The following TECTA variants were observed in gnomAD, a reference collection of about 807,000 sequenced individuals.
TECTA encodes tectorin alpha, also known as alpha-tectorin.
Under a neutral mutation model 216.8 loss-of-function variants are expected in TECTA, and 128 were observed. That is an observed-to-expected ratio of 0.59 (90% CI 0.51 to 0.68). The LOEUF (loss-of-function observed/expected upper bound fraction) is 0.68, where lower values mean the gene tolerates loss of function less well. TECTA is among the 30% of genes least tolerant of loss of function. TECTA has a pLI of 0.00. For synonymous variants in TECTA, 1,089 were observed against 1,117.1 expected (o/e 0.97, Z 0.50); for missense variants, 2,551 against 2,786.2 (o/e 0.92, Z 1.90).
chr11:121,165,581 A>C (rs1947044992), intron 17 of TECTA, among the ~76,000 whole-genome samples, 198 bp downstream of exon 17: 1 of 152,170 alleles, frequency 6.6e-6, no homozygotes, highest in Non-Finnish European at 1.5e-5. Flanking sequence ...ATAACACACA[A>C]ATTTGTACAT....
chr11:121,158,291 A>C lies in TECTA; in HGVS notation c.4689+67A>C, dbSNP rs1946965164. 1.9e-6 allele frequency: 3 copies of C among 1,595,258 alleles called. No individual in the cohort carries two copies. The Admixed American group carries it at 5.0e-5, about 27-fold the overall frequency. ...CAAGGGGTTGGCTAGGGGACTGTGT[A>C]GGGTTCTCCCAGATAGCCAAGTTGT... is the stretch of plus-strand genomic sequence containing the variant. On this transcript the variant is annotated intron_variant, in intron 14 of 23. Coordinates refer to ENST00000392793, the MANE Select transcript of TECTA (RefSeq NM_005422.4).
intron 20 of TECTA, among the ~76,000 whole-genome samples, chr11:121,175,187 T>A (rs9736721): frequency 0.67 from 99,904 of 148,236 alleles, 34,831 homozygotes; most frequent in African/African-American, 0.9. Context: ...TGTGTCTGTA[T>A]TTCCTTCAGT....
intron 20 of TECTA, among the ~76,000 whole-genome samples, chr11:121,170,549 T>A (rs1947101733): frequency 6.6e-6 from 1 of 152,158 alleles, no homozygotes; most frequent in African/African-American, 2.4e-5. Flanking sequence ...ACCAGTAGTG[T>A]AGAAGAGTTC....
Position 121,190,830 on chromosome 11 carries a change from G to C in TECTA, c.*24G>C. On this transcript the variant is annotated 3_prime_UTR_variant, in exon 24 of 24. Coordinates refer to ENST00000392793, the MANE Select transcript of TECTA (RefSeq NM_005422.4). ...AATTAACTCAAGGTTGCTATATAAA[G>C]TACTGTAATTTACTTACTTCAACAC... 1 of 1,562,502 alleles carries C rather than the reference G, an allele frequency of 6.4e-7. No individual in the cohort carries two copies. The highest frequency in any genetic ancestry group is 8.8e-7 in the Non-Finnish European group (1 of 1,137,088).
At chr11:121,162,831 C>T (rs1393023854) in intron 16 of TECTA, among the ~76,000 whole-genome samples, 1 of 152,116 alleles carries the variant, frequency 6.6e-6, no homozygotes, top group East Asian at 1.9e-4. Flanking sequence ...AGCTGCAGTT[C>T]GATTGACTGT....
rs781630383 is a variant in TECTA, at chr11:121,168,807, G to A, written c.5881G>A (p.Val1961Ile). The change falls in exon 20 of 24, where the codon GTA (valine) becomes ATA (isoleucine). Residue 1961 changes from valine (V) to isoleucine (I), a missense_variant. Around this residue, in one of 3 missense-constraint regions of TECTA, gnomAD observed 2,375 missense variants for 2,563.9 expected, o/e 0.93. Coordinates refer to ENST00000392793, the MANE Select transcript of TECTA (RefSeq NM_005422.4). ...VVLTTRDVLY[V>I]GVFVVGADAT... ...GTTGACGACTCGAGATGTGCTGTAT[G>A]TAGGGGTTTTTGTGGTTGGAGCTGA... 6.2e-7 allele frequency: 1 copy of A among 1,614,178 alleles called. No homozygotes were observed. Among genetic ancestry groups the A allele is most frequent in the South Asian group, 1.1e-5 (1 of 91,080 alleles).
intron 14 of TECTA, among the ~76,000 whole-genome samples, chr11:121,158,917 G>C (rs529382944): frequency 6.6e-6 from 1 of 152,074 alleles, no homozygotes; most frequent in African/African-American, 2.4e-5. Context: ...CATTTAAGAA[G>C]AGCATCTGCT....
At chr11:121,151,439 A>C (rs1375452673) in intron 12 of TECTA, among the ~76,000 whole-genome samples, 1 of 152,248 alleles carries the variant, frequency 6.6e-6, no homozygotes, top group Non-Finnish European at 1.5e-5. Flanking sequence ...AAATGGAATG[A>C]ATATTGTCAT....
In TECTA at chr11:121,181,641, TG is replaced by T. The variant is rs144310040; in HGVS notation, c.6000-6190del. ...TGTGCCACCATGCCCAGCTAATTTT[TG>T]TATTTTTAGTAGAGACAGGTTTCTC... On this transcript the variant is annotated intron_variant, in intron 20 of 23. Transcript: ENST00000392793. 5.5e-3 allele frequency among the ~76,000 whole-genome samples: 835 copies of T among 152,080 alleles called. 11 individuals carry two copies. The highest frequency in any genetic ancestry group is 0.019 in the African/African-American group (796 of 41,466).
Position 121,157,847 on chromosome 11 carries a change from C to G in TECTA, c.4312C>G (p.Gln1438Glu). Reference protein sequence around the residue: ...YSDGKYYEPKQLFWNSDCTRR... With the variant: ...YSDGKYYEPKELFWNSDCTRR... Reference sequence around the variant, plus strand: ...AACGGCGCCTCTCTTCCAGCCCAAGCAGCTATTTTGGAACAGCGACTGCAC... The same window carrying G: ...AACGGCGCCTCTCTTCCAGCCCAAGGAGCTATTTTGGAACAGCGACTGCAC... The change falls in exon 14 of 24, where the codon CAG becomes GAG. Residue 1438 changes from glutamine to glutamate, a missense_variant. Gln to Glu is a conservative substitution (Grantham distance 29). This residue lies in a region of TECTA where 2,375 missense variants were observed against 2,563.9 expected (regional missense o/e 0.93). Coordinates refer to ENST00000392793, the MANE Select transcript of TECTA (RefSeq NM_005422.4). The G allele has an allele frequency of 1.2e-6, 2 of 1,614,076 alleles. No homozygotes were observed. The highest frequency in any genetic ancestry group is 1.7e-6 in the Non-Finnish European group (2 of 1,180,038).
chr11:121,141,833 C>G (rs757143682), intron 11 of TECTA, among the ~76,000 whole-genome samples: 5 of 152,216 alleles, frequency 3.3e-5, no homozygotes, highest in Non-Finnish European at 5.9e-5. Flanking sequence ...AACATGGCCT[C>G]TGTCCTAAGA....
rs1475355333 is a variant in TECTA, at chr11:121,160,299, G to T, written c.4854G>T (p.Val1618=). ...TCAGCGAGAGGCTGCAGAACAAAGT[G>T]TGCGGTCTCTGTGGCAACTTCAACG... ...ISISERLQNK[V]CGLCGNFNGD... The change falls in exon 15 of 24, where the codon GTG becomes GTT. Residue 1618 remains valine, a synonymous_variant. Transcript: ENST00000392793. The T allele has an allele frequency of 2.5e-5, 41 of 1,614,118 alleles. No individual in the cohort carries two copies. Among genetic ancestry groups the T allele is most frequent in the Middle Eastern group, 1.6e-4 (1 of 6,084 alleles).
chr11:121,127,961 G>A lies in TECTA; in HGVS notation c.1984G>A (p.Gly662Arg), dbSNP rs1265862892. 1.2e-6 allele frequency: 2 copies of A among 1,614,076 alleles called. No homozygotes were observed. Among genetic ancestry groups the A allele is most frequent in the East Asian group, 2.2e-5 (1 of 44,896 alleles). Residue 662 changes from glycine (G) to arginine (R), a missense_variant, in exon 9 of 24, where the codon GGG becomes AGG. Coordinates refer to ENST00000392793, the MANE Select transcript of TECTA (RefSeq NM_005422.4). The surrounding 1 kb of genome is among the most constrained non-coding windows in gnomAD (Gnocchi z 5.0). ...CDFDGHYYTM[G>R]EFFWATANCT... is the part of the protein sequence containing the mutation. ...CTTCGACGGCCACTACTACACCATG[G>A]GGGAGTTCTTCTGGGCCACGGCCAA...
rs184934165 is a variant in TECTA at position 121,147,777 on chromosome 11, G to T, written c.4105+1661G>T. On this transcript the variant is annotated intron_variant, in intron 12 of 23. Coordinates refer to ENST00000392793, the MANE Select transcript of TECTA (RefSeq NM_005422.4). ...GACTTCCCTCTTCACCTGCAGCCAT[G>T]CTGTGCTGGGTGTACTGCTCCCAGG... Among the ~76,000 whole-genome samples the T allele has an allele frequency of 8.5e-5, 13 of 152,274 alleles. No individual in the cohort carries two copies. The East Asian group carries it at 1.5e-3, about 18-fold the overall frequency.
chr11:121,144,928 C>A (rs558172224), intron 11 of TECTA, among the ~76,000 whole-genome samples: 1 of 152,058 alleles, frequency 6.6e-6, no homozygotes, highest in Non-Finnish European at 1.5e-5. Flanking sequence ...TCCTGGCCAG[C>A]GGTAGAGAGG....
chr11:121,109,636 C>A, intron 4 of TECTA, 138 bp downstream of exon 4: 1 of 1,066,890 alleles, frequency 9.4e-7, no homozygotes, highest in Non-Finnish European at 1.4e-6. Flanking sequence ...GTTTTGCTAC[C>A]CACTTTGCAG....
rs776188424 is a variant in TECTA, at chr11:121,137,771, G to A, written c.3292G>A (p.Ala1098Thr). The A allele has an allele frequency of 1.6e-5, 26 of 1,614,018 alleles. No homozygotes were observed. Among genetic ancestry groups the A allele is most frequent in the South Asian group, 8.8e-5 (8 of 91,088 alleles). Reference sequence around the variant, plus strand: ...GTACTACTGCCAAGCCCGCACCGACGCCTCCTGCATCGTCTCAGGCTACGG... The same window carrying A: ...GTACTACTGCCAAGCCCGCACCGACACCTCCTGCATCGTCTCAGGCTACGG... ...GLYYCQARTDASCIVSGYGHY... is the reference protein window; with the variant it reads ...GLYYCQARTDTSCIVSGYGHY... The change falls in exon 11 of 24, where the codon GCC (alanine) becomes ACC (threonine). Residue 1098 changes from alanine (A) to threonine (T), a missense_variant. Physicochemically the swap from Ala to Thr is moderately conservative, Grantham distance 58. Around this residue, in one of 3 missense-constraint regions of TECTA, gnomAD observed 2,375 missense variants for 2,563.9 expected, o/e 0.93. Transcript: ENST00000392793.
At chr11:121,168,373 G>C in intron 19 of TECTA, 156 bp downstream of exon 19, 4 of 1,049,752 alleles carry the variant, frequency 3.8e-6, no homozygotes, top group Non-Finnish European at 5.8e-6. Flanking sequence ...TTGTTCAATA[G>C]AACTCTCTGT....
chr11:121,189,522 C>T (rs370525204), intron 22 of TECTA, among the ~76,000 whole-genome samples: 2 of 152,012 alleles, frequency 1.3e-5, no homozygotes, highest in Non-Finnish European at 2.9e-5. Context: ...TACAGGTGCC[C>T]GCCCCCACGC....
Sources: allele counts gnomAD v4.1 joint callset (sites outside exome capture counted in the v4.1 genomes callset), GRCh38; gene constraint gnomAD v4.1.1; regional missense constraint gnomAD v4.1.1; non-coding constraint Gnocchi (gnomAD v3.1); transcripts MANE v1.5; gene names NCBI Gene and HGNC (gene_info 2026-07-23, HGNC 2026-07-21).